ITGAX: variants seen among roughly 807,000 people sequenced by gnomAD.
The protein encoded by ITGAX is integrin alpha-X.
In ITGAX, 99 loss-of-function variants were observed where a neutral mutation model predicts 140.2. That is an observed-to-expected ratio of 0.71 (90% confidence interval 0.60 to 0.83). The LOEUF is 0.83. Ranked by LOEUF, ITGAX falls within the 40% of genes least tolerant of loss-of-function variation. The pLI is 0.00. For synonymous variants in ITGAX, 631 were observed against 600.4 expected (o/e 1.05, Z -0.75); for missense variants, 1,444 against 1,482.0 (o/e 0.97, Z 0.42).
At position 31,373,396 on chromosome 16, in the gene ITGAX, C is replaced by A. The variant is rs796579854; in HGVS notation, c.2508+6C>A. 6.2e-7 allele frequency: 1 copy of A among 1,608,058 alleles called. No individual in the cohort carries two copies. The highest frequency in any genetic ancestry group is 8.5e-7 in the Non-Finnish European group (1 of 1,177,150). ...GCTACGTGGCAGAGGGCCAGGTGCA[C>A]CCTCTGGGGAAGGAGGAGGAGGCAG... On this transcript the variant is annotated splice_donor_region_variant and intron_variant, in intron 20 of 29. Coordinates refer to ENST00000268296, the MANE Select transcript of ITGAX (RefSeq NM_000887.5).
chr16:31,380,285 G>A lies in ITGAX; in HGVS notation c.3080G>A (p.Cys1027Tyr). 6.2e-7 allele frequency: 1 copy of A among 1,614,176 alleles called. No individual in the cohort carries two copies. The highest frequency in any genetic ancestry group is 8.5e-7 in the Non-Finnish European group (1 of 1,180,014). Reference protein sequence around the residue: ...NPVLDCSIAGCLRFRCDVPSF... With the variant: ...NPVLDCSIAGYLRFRCDVPSF... ...CCCCAGGACTGCTCCATTGCTGGCT[G>A]CCTGCGGTTCCGCTGTGACGTCCCC... The change falls in exon 27 of 30, where the codon TGC becomes TAC. Residue 1027 changes from cysteine to tyrosine, a missense_variant. Cys to Tyr is a radical substitution (Grantham distance 194, BLOSUM62 -2). Coordinates refer to ENST00000268296, the MANE Select transcript of ITGAX (RefSeq NM_000887.5).
chr16:31,360,915 C>T (rs536866765), intron 8 of ITGAX, 148 bp from the exon 9 acceptor site: 3 of 733,728 alleles, frequency 4.1e-6, no homozygotes, highest in Non-Finnish European at 6.8e-6. Flanking sequence ...CTCCTAAACT[C>T]CCTGATGCTG....
chr16:31,372,577 C>T lies in ITGAX; in HGVS notation c.2293-20C>T, dbSNP rs375708498. ...GGGGCCTGGGTCTCGGAGAAAACCC[C>T]CCGTTGCCTTCCCACGCAGCTACCC... is the stretch of plus-strand genomic sequence containing the variant. On this transcript the variant is annotated intron_variant, in intron 18 of 29. Transcript: ENST00000268296. The T allele has an allele frequency of 4.3e-6, 7 of 1,614,122 alleles. No individual in the cohort carries two copies. Among genetic ancestry groups the T allele is most frequent in the Admixed American group, 3.3e-5 (2 of 60,016 alleles).
intron 20 of ITGAX, among the ~76,000 whole-genome samples, chr16:31,375,345 T>C (rs185095232): frequency 2.1e-4 from 32 of 152,262 alleles, no homozygotes; most frequent in African/African-American, 6.7e-4. Context: ...AAAGGATGAG[T>C]TTGGCCCCCT....
intron 17 of ITGAX, among the ~76,000 whole-genome samples, 161 bp downstream of exon 17, chr16:31,371,945 G>C (rs905267996): frequency 6.6e-6 from 1 of 152,172 alleles, no homozygotes; most frequent in Middle Eastern, 3.2e-3. Flanking sequence ...GTGAGTGAGC[G>C]AGCAAACAAG....
rs2080801813 is a variant in ITGAX, at chr16:31,359,805, G to A, written c.536G>A (p.Ser179Asn). The A allele has an allele frequency of 3.1e-6, 5 of 1,614,146 alleles. No homozygotes were observed. The highest frequency in any genetic ancestry group is 4.2e-6 in the Non-Finnish European group (5 of 1,180,028). The change falls in exon 6 of 30, where the codon AGC becomes AAC. Residue 179 changes from serine to asparagine, a missense_variant. Physicochemically the swap from Ser to Asn is conservative, Grantham distance 46. Transcript: ENST00000268296. Reference sequence around the variant, plus strand: ...ATGAACTTCGTGAGAGCTGTGATAAGCCAGTTCCAGAGACCCAGCACCCAG... The same window carrying A: ...ATGAACTTCGTGAGAGCTGTGATAAACCAGTTCCAGAGACCCAGCACCCAG... Reference protein sequence around the residue: ...TMMNFVRAVISQFQRPSTQFS... With the variant: ...TMMNFVRAVINQFQRPSTQFS...
Position 31,371,786 on chromosome 16 carries a change from T to C in ITGAX, c.2160+2T>C, listed in dbSNP as rs745747728. On this transcript the variant is annotated splice_donor_variant, in intron 17 of 29. Coordinates refer to ENST00000268296, the MANE Select transcript of ITGAX (RefSeq NM_000887.5). LOFTEE classifies it high-confidence loss of function. ...GAAAACTTCAACCTGCTGCTCCCGG[T>C]GCGTCTGGGCATGAACGTGGGTGGC... is the stretch of plus-strand genomic sequence containing the variant. The C allele has an allele frequency of 3.1e-6, 5 of 1,613,710 alleles. No individual in the cohort carries two copies. In the South Asian group the frequency reaches 4.4e-5, roughly 14 times the overall value.
At chr16:31,379,133 GT>G (rs113432287) in intron 23 of ITGAX, among the ~76,000 whole-genome samples, 159 of 149,166 alleles carry the variant, frequency 1.1e-3, no homozygotes, top group Non-Finnish European at 1.7e-3. Context: ...CTCTCTCTCT[GT>G]TTTTTTTTGA....
intron 5 of ITGAX, 142 bp downstream of exon 5, chr16:31,357,506 C>G (rs371278987): frequency 3.3e-6 from 2 of 609,744 alleles, no homozygotes; most frequent in South Asian, 2.1e-5. Context: ...TGGTTCCTGA[C>G]GCTGCTGCCC....
intron 23 of ITGAX, 28 bp from the exon 24 acceptor site, chr16:31,379,540 C>A: frequency 6.4e-7 from 1 of 1,552,212 alleles, no homozygotes; most frequent in Non-Finnish European, 8.7e-7. Context: ...TGGTAGTTCA[C>A]ATCCACTTAT....
At chr16:31,380,167 C>T in intron 26 of ITGAX, 99 bp from the exon 27 acceptor site, 2 of 1,518,628 alleles carry the variant, frequency 1.3e-6, no homozygotes, top group Non-Finnish European at 1.8e-6. Flanking sequence ...TACCCTCTTG[C>T]ATTCGGATAT....
chr16:31,380,962 T>C lies in ITGAX; in HGVS notation c.3342T>C (p.Ile1114=), dbSNP rs1204044640. 1.9e-6 allele frequency: 3 copies of C among 1,614,106 alleles called. No individual in the cohort carries two copies. Among genetic ancestry groups the C allele is most frequent in the Non-Finnish European group, 2.5e-6 (3 of 1,179,992 alleles). Residue 1114 remains isoleucine (I), a synonymous_variant, in exon 29 of 30, where the codon ATT becomes ATC. Coordinates refer to ENST00000268296, the MANE Select transcript of ITGAX (RefSeq NM_000887.5). The stretch of plus-strand genomic sequence containing the variant: ...CCCCCCTCATCGTAGGCAGCTCCAT[T>C]GGGGGTCTGTTGCTGCTGGCACTCA... ...NPTPLIVGSS[I]GGLLLLALIT...
At chr16:31,372,198 AGG>A (rs1049874342) in intron 17 of ITGAX, among the ~76,000 whole-genome samples, 178 bp from the exon 18 acceptor site, 2 of 151,678 alleles carry the variant, frequency 1.3e-5, no homozygotes, top group East Asian at 3.9e-4. Context: ...AAGACAAACA[AGG>A]GGAGAGAACA....
intron 19 of ITGAX, 104 bp from the exon 20 acceptor site, chr16:31,373,145 G>A (rs1348681101): frequency 7.8e-6 from 6 of 772,356 alleles, no homozygotes; most frequent in Non-Finnish European, 9.8e-6. Context: ...CCAGGGGTCC[G>A]TCCCCTGTCT....
chr16:31,365,725 C>A (rs2080886010), intron 14 of ITGAX, among the ~76,000 whole-genome samples: 1 of 152,210 alleles, frequency 6.6e-6, no homozygotes, highest in South Asian at 2.1e-4. Context: ...GAGTTCCAGA[C>A]TAGGCTGGCC....
chr16:31,362,994 C>T lies in ITGAX; in HGVS notation c.1419C>T (p.Thr473=), dbSNP rs998010127. The change falls in exon 13 of 30, where the codon ACC becomes ACT. Residue 473 remains threonine (T), a synonymous_variant. Transcript: ENST00000268296. ...TGGACGTAGACAGCGACGGCAGCACCGACCTGGTCCTCATCGGGGCCCCCC... is the reference window on the plus strand; with the variant it reads ...TGGACGTAGACAGCGACGGCAGCACTGACCTGGTCCTCATCGGGGCCCCCC... ...CSVDVDSDGS[T]DLVLIGAPHY... is the part of the protein sequence containing the mutation. The T allele has an allele frequency of 9.3e-6, 15 of 1,611,686 alleles. No individual in the cohort carries two copies. The highest frequency in any genetic ancestry group is 2.2e-5 in the East Asian group (1 of 44,840).
Position 31,371,055 on chromosome 16 carries a change from C to G in ITGAX, c.1711-29C>G. ...TCCAACTTCTTCCCCTACTTTCCAT[C>G]TTGATTCACCCTTCTCTCCTCTGGC... On this transcript the variant is annotated intron_variant, in intron 14 of 29. Coordinates refer to ENST00000268296, the MANE Select transcript of ITGAX (RefSeq NM_000887.5). The G allele has an allele frequency of 1.9e-6, 3 of 1,613,366 alleles. No homozygotes were observed. The South Asian group carries it at 3.3e-5, about 18-fold the overall frequency.
At chr16:31,364,620 G>A (rs2080872991) in intron 14 of ITGAX, among the ~76,000 whole-genome samples, 1 of 152,084 alleles carries the variant, frequency 6.6e-6, no homozygotes, top group Non-Finnish European at 1.5e-5. Context: ...ATAATGACAG[G>A]TGTTGGTGAG....
chr16:31,373,319 G>C lies in ITGAX; in HGVS notation c.2437G>C (p.Asp813His). The C allele has an allele frequency of 6.2e-7, 1 of 1,613,876 alleles. No homozygotes were observed. The highest frequency in any genetic ancestry group is 8.5e-7 in the Non-Finnish European group (1 of 1,180,024). ...AGTGATGGTGTGGAATGACGGGGAAGACTCCTACGGAACCACCATCACCTT... is the reference window on the plus strand; with the variant it reads ...AGTGATGGTGTGGAATGACGGGGAACACTCCTACGGAACCACCATCACCTT... ...AEVMVWNDGEDSYGTTITFSH... is the reference protein window; with the variant it reads ...AEVMVWNDGEHSYGTTITFSH... The change falls in exon 20 of 30, where the codon GAC (aspartate) becomes CAC (histidine). Residue 813 changes from aspartate to histidine, a missense_variant. Transcript: ENST00000268296.
Sources: allele counts gnomAD v4.1 joint callset (sites outside exome capture counted in the v4.1 genomes callset), GRCh38; gene constraint gnomAD v4.1.1; transcripts MANE v1.5; gene names NCBI Gene and HGNC (gene_info 2026-07-23, HGNC 2026-07-21).